RNLS: variants seen among roughly 807,000 people sequenced by gnomAD.
RNLS encodes renalase.
Under a neutral mutation model 39.8 loss-of-function variants are expected in RNLS, and 39 were observed. The ratio of observed to expected loss-of-function variants is 0.98; its 90% CI spans 0.76 to 1.28. RNLS has a LOEUF of 1.28. RNLS is among the 50% of genes most tolerant of loss of function. RNLS has a pLI of 0.00. For synonymous variants in RNLS, 147 were observed against 150.7 expected, an observed-to-expected ratio of 0.98 and a Z score of 0.18; for missense variants, 410 against 413.3, an observed-to-expected ratio of 0.99 and a Z score of 0.07.
the RNLS span, among the ~76,000 whole-genome samples, chr10:88,265,447 G>A: frequency 6.7e-6 from 1 of 149,398 alleles, no homozygotes; most frequent in Admixed American, 6.7e-5. Flanking sequence ...TGGCAGTATG[G>A]TCATTTTCAC....
chr10:88,238,928 T>C, the RNLS span, among the ~76,000 whole-genome samples: 13 of 152,164 alleles, frequency 8.5e-5, no homozygotes, highest in Non-Finnish European at 1.8e-4. Context: ...ACAGCCTCCC[T>C]ATGCCAGCCA....
At chr10:88,322,210 A>G (rs1846234874) in intron 5 of RNLS, among the ~76,000 whole-genome samples, 2 of 152,200 alleles carry the variant, frequency 1.3e-5, no homozygotes, top group African/African-American at 4.8e-5. Flanking sequence ...AATGCAAAAA[A>G]TGCATTCAAT....
chr10:88,380,838 G>GA (rs1001142499), intron 4 of RNLS, among the ~76,000 whole-genome samples: 8 of 152,128 alleles, frequency 5.3e-5, no homozygotes, highest in African/African-American at 1.4e-4. Context: ...ATGGGACAGT[G>GA]AAAATCTAAC....
chr10:88,420,751 G>A (rs1268174693), intron 4 of RNLS, among the ~76,000 whole-genome samples: 2 of 152,182 alleles, frequency 1.3e-5, no homozygotes, highest in Non-Finnish European at 2.9e-5. Flanking sequence ...GTGAACATAC[G>A]TGGGGAGGAA....
rs965599151 is a variant in RNLS at position 88,583,155 on chromosome 10, TG to T, written c.35del (p.Thr12LysfsTer9). ...TCAGCAGCGCAGCGCACAAGCTTCC[TG>T]TCATCCCGGCGCCCACGATCAGCAC... Reference protein sequence around the residue: ...AQVLIVGAGMTGSLCAALLRR... With the variant: ...AQVLIVGAGMXGSLCAALLRR... On this transcript the variant is annotated frameshift_variant, in exon 1 of 7. Coordinates refer to ENST00000331772, the MANE Select transcript of RNLS (RefSeq NM_001031709.3). LOFTEE classifies it high-confidence loss of function. 2 of 1,614,054 alleles carry T rather than the reference TG, an allele frequency of 1.2e-6. No individual in the cohort carries two copies. The highest frequency in any genetic ancestry group is 2.7e-5 in the African/African-American group (2 of 75,056).
intron 5 of RNLS, among the ~76,000 whole-genome samples, chr10:88,338,488 T>C (rs1033853776): frequency 3.3e-5 from 5 of 152,226 alleles, no homozygotes; most frequent in African/African-American, 9.6e-5. Context: ...CACAGATCCA[T>C]GGAAAGTCAT....
intron 4 of RNLS, among the ~76,000 whole-genome samples, chr10:88,473,159 A>C (rs1015315934): frequency 1.3e-5 from 2 of 152,188 alleles, no homozygotes; most frequent in Non-Finnish European, 2.9e-5. Flanking sequence ...CACAGGTAAA[A>C]ATAGAAAAGG....
the RNLS span, among the ~76,000 whole-genome samples, chr10:88,230,979 C>T: frequency 6.6e-6 from 1 of 152,190 alleles, no homozygotes; most frequent in East Asian, 1.9e-4. Flanking sequence ...TATGTGGAAA[C>T]ATCTCCTTCC....
At chr10:88,189,388 G>GT in the RNLS span, among the ~76,000 whole-genome samples, 3 of 152,104 alleles carry the variant, frequency 2.0e-5, no homozygotes, top group African/African-American at 7.2e-5. Context: ...GATCAACAAA[G>GT]TAACAACTTG....
chr10:88,312,627 C>T (rs530031122), intron 6 of RNLS, among the ~76,000 whole-genome samples: 108 of 152,214 alleles, frequency 7.1e-4, no homozygotes, highest in African/African-American at 2.6e-3. Context: ...TGTGAGGCTT[C>T]GTGTGCTCAT....
chr10:88,276,478 C>T (rs773559508), intron 6 of RNLS, among the ~76,000 whole-genome samples: 7 of 152,094 alleles, frequency 4.6e-5, no homozygotes, highest in Non-Finnish European at 8.8e-5. Context: ...GGTAGAATCA[C>T]ATTTGATTTT....
chr10:88,196,007 G>A, the RNLS span, among the ~76,000 whole-genome samples: 2 of 152,128 alleles, frequency 1.3e-5, no homozygotes, highest in Admixed American at 6.5e-5. Context: ...ATGCAGTTAG[G>A]ATGGCGTCTG....
chr10:88,176,993 G>GT, the RNLS span, among the ~76,000 whole-genome samples: 1 of 152,064 alleles, frequency 6.6e-6, no homozygotes, highest in Non-Finnish European at 1.5e-5. Context: ...ATGCTTTTCT[G>GT]TTTTTGTTTT....
chr10:88,450,509 T>C (rs577159986), intron 4 of RNLS, among the ~76,000 whole-genome samples: 1 of 152,204 alleles, frequency 6.6e-6, no homozygotes, highest in South Asian at 2.1e-4. Context: ...GGTCCATAAG[T>C]ACTGAGAAGG....
chr10:88,357,872 T>C lies in RNLS; in HGVS notation c.700+4680A>G, dbSNP rs143544627. 3.3e-5 allele frequency among the ~76,000 whole-genome samples: 5 copies of C among 152,268 alleles called. No individual in the cohort carries two copies. In the East Asian group the frequency reaches 9.7e-4, roughly 29 times the overall value. On this transcript the variant is annotated intron_variant, in intron 5 of 6. Coordinates refer to ENST00000331772, the MANE Select transcript of RNLS (RefSeq NM_001031709.3). ...TGATGAAGTTGGCAGAGTCAAAAAA[T>C]GGATGGAGCCTGGGTTCCTAAATAA...
rs754517683 is a variant in RNLS, at chr10:88,583,211, C to T, written c.-21G>A. 6.2e-7 allele frequency: 1 copy of T among 1,612,804 alleles called. No individual in the cohort carries two copies. The highest frequency in any genetic ancestry group is 1.1e-5 in the South Asian group (1 of 91,000). On this transcript the variant is annotated 5_prime_UTR_variant, in exon 1 of 7. Transcript: ENST00000331772. ...GCCATGGCGAGAGGGAGCAGCGATC[C>T]GCGCTGAGTCTCTGCGGCGGGGCCG...
chr10:88,558,618 T>C (rs1848999500), intron 4 of RNLS, among the ~76,000 whole-genome samples: 1 of 152,252 alleles, frequency 6.6e-6, no homozygotes, highest in South Asian at 2.1e-4. Context: ...CTGTTTCTAC[T>C]GATGTCCCCA....
At chr10:88,248,912 C>T in the RNLS span, among the ~76,000 whole-genome samples, 2 of 152,298 alleles carry the variant, frequency 1.3e-5, no homozygotes. Flanking sequence ...TGTCCATGTG[C>T]CTTCTGCTGT....
chr10:88,509,058 G>C (rs1845947817), intron 4 of RNLS, among the ~76,000 whole-genome samples: 1 of 152,026 alleles, frequency 6.6e-6, no homozygotes, highest in South Asian at 2.1e-4. Context: ...GCCTATGTAG[G>C]TCTCTTCCTT....
Sources: allele counts gnomAD v4.1 joint callset (sites outside exome capture counted in the v4.1 genomes callset), GRCh38; gene constraint gnomAD v4.1.1; transcripts MANE v1.5; gene names NCBI Gene and HGNC (gene_info 2026-07-23, HGNC 2026-07-21).